STK39: variants seen among roughly 807,000 people sequenced by gnomAD.
STK39 encodes serine/threonine kinase 39.
Under a neutral mutation model 77.8 loss-of-function variants are expected in STK39, and 20 were observed. That is an observed-to-expected ratio of 0.26 (90% confidence interval 0.18 to 0.37). The LOEUF (loss-of-function observed/expected upper bound fraction) is 0.37. Among genes scored for constraint, STK39 ranks in the 10% least tolerant of loss-of-function variants. The pLI, the probability that STK39 is intolerant of heterozygous loss-of-function variation, is 1.00. For synonymous variants in STK39, 246 were observed against 234.1 expected (o/e 1.05, Z -0.47); for missense variants, 479 against 656.5 (o/e 0.73, Z 2.95).
At position 168,112,948 on chromosome 2, in the gene STK39, G is replaced by T. The variant is rs564990755; in HGVS notation, c.1089+16593C>A. On this transcript the variant is annotated intron_variant, in intron 10 of 17. Transcript: ENST00000355999. ...ACCAGTGTGCTCTGGCCACTGGGTG[G>T]GAAGCTCTGGTTGAAAGGACAAATA... 5.3e-5 allele frequency: 8 copies of T among 152,206 alleles called. No individual in the cohort carries two copies. In the South Asian group the frequency reaches 1.7e-3, roughly 32 times the overall value. 9.4% of individuals were successfully genotyped at this position (152,206 alleles called of 1,614,324 possible).
At chr2:168,222,512 A>G (rs1471621209) in intron 1 of STK39, among the ~76,000 whole-genome samples, 5 of 152,194 alleles carry the variant, frequency 3.3e-5, no homozygotes, top group Non-Finnish European at 4.4e-5. Context: ...GAAGACACAT[A>G]AAAAGTGGTT....
chr2:168,124,175 T>C (rs890009227), intron 10 of STK39, among the ~76,000 whole-genome samples: 5 of 152,212 alleles, frequency 3.3e-5, no homozygotes, highest in African/African-American at 1.2e-4. Flanking sequence ...GTTTAGTTAA[T>C]TGCTTACTTA....
chr2:168,167,622 G>C (rs910527575), intron 2 of STK39, among the ~76,000 whole-genome samples: 3 of 152,128 alleles, frequency 2.0e-5, no homozygotes, highest in Non-Finnish European at 2.9e-5. Flanking sequence ...AGACCACAGA[G>C]CCCTGTGGAC....
At chr2:167,959,541 T>C (rs1574345140) in intron 17 of STK39, among the ~76,000 whole-genome samples, 5 of 151,900 alleles carry the variant, frequency 3.3e-5, no homozygotes, top group Admixed American at 2.0e-4. Flanking sequence ...CAAGTAAAAA[T>C]GATGTTTCAT....
chr2:168,063,359 T>A, intron 14 of STK39, 141 bp downstream of exon 14: 1 of 686,888 alleles, frequency 1.5e-6, no homozygotes, highest in Non-Finnish European at 2.4e-6. Flanking sequence ...GCCCTGGGAA[T>A]ACAGCATACA....
In STK39 at chr2:168,074,834, A is replaced by G. The variant is rs531597823; in HGVS notation, c.1242+148T>C. ...ATTTATTCAGCCCAAAGTAACTCAG[A>G]CAGAATTAGGAGCTGCAAAGTCCTC... On this transcript the variant is annotated intron_variant, in intron 12 of 17. Coordinates refer to ENST00000355999, the MANE Select transcript of STK39 (RefSeq NM_013233.3). The G allele has an allele frequency of 9.1e-6, 8 of 876,604 alleles. No individual in the cohort carries two copies. In the East Asian group the frequency reaches 1.9e-4, roughly 20 times the overall value. 54.3% of individuals were successfully genotyped at this position (876,604 alleles called of 1,614,324 possible).
intron 2 of STK39, among the ~76,000 whole-genome samples, chr2:168,175,740 T>A (rs1335280215): frequency 6.6e-6 from 1 of 152,214 alleles, no homozygotes; most frequent in African/African-American, 2.4e-5. Flanking sequence ...TCATTTGGAC[T>A]ATACCTGGAT....
chr2:168,113,158 C>A (rs1055021971), intron 10 of STK39: 16 of 152,240 alleles, frequency 1.1e-4, no homozygotes, highest in Non-Finnish European at 2.3e-4. Flanking sequence ...ATGTCAAAGG[C>A]TAATTCATCC....
intron 2 of STK39, among the ~76,000 whole-genome samples, chr2:168,169,314 G>A (rs1329128981): frequency 6.6e-6 from 1 of 152,138 alleles, no homozygotes; most frequent in East Asian, 1.9e-4. Flanking sequence ...GTGCGGGGAT[G>A]GCCCACACTG....
chr2:168,196,086 TG>T (rs1364487238), intron 1 of STK39, among the ~76,000 whole-genome samples: 3 of 152,362 alleles, frequency 2.0e-5, no homozygotes, highest in Admixed American at 2.0e-4. Context: ...CAAACACATA[TG>T]ATCTACTGAT....
chr2:168,245,458 T>C (rs757733097), intron 1 of STK39, among the ~76,000 whole-genome samples: 1 of 152,236 alleles, frequency 6.6e-6, no homozygotes, highest in South Asian at 2.1e-4. Flanking sequence ...ACTATGAGGT[T>C]ACATGCTATG....
At chr2:168,092,519 A>G (rs189838644) in intron 10 of STK39, among the ~76,000 whole-genome samples, 4 of 152,380 alleles carry the variant, frequency 2.6e-5, no homozygotes, top group Admixed American at 2.6e-4. Flanking sequence ...TTTAAAAACA[A>G]ACAAGAAATA....
intron 1 of STK39, among the ~76,000 whole-genome samples, chr2:168,187,042 T>C (rs1468592147): frequency 6.6e-6 from 1 of 152,198 alleles, no homozygotes; most frequent in Non-Finnish European, 1.5e-5. Context: ...TAATGCACTT[T>C]GATATCTAAC....
In STK39 at chr2:168,065,391, G is replaced by T. The variant is rs918465728; in HGVS notation, c.1243-10C>A. 2.5e-6 allele frequency: 4 copies of T among 1,613,966 alleles called. No homozygotes were observed. Among genetic ancestry groups the T allele is most frequent in the Non-Finnish European group, 3.4e-6 (4 of 1,179,872 alleles). On this transcript the variant is annotated splice_polypyrimidine_tract_variant and intron_variant, in intron 12 of 17. Transcript: ENST00000355999. ...TGGCACTCACTGCAATCTGTTACGA[G>T]AGCCACCGTTACAGCATTCAAGAAA...
chr2:168,180,105 G>C (rs2105625619), intron 2 of STK39, among the ~76,000 whole-genome samples: 1 of 152,320 alleles, frequency 6.6e-6, no homozygotes, highest in African/African-American at 2.4e-5. Context: ...CCAGCACTGT[G>C]GGAGGCCGAG....
chr2:168,127,151 T>C (rs192412774), intron 10 of STK39, among the ~76,000 whole-genome samples: 142 of 152,126 alleles, frequency 9.3e-4, no homozygotes, highest in African/African-American at 3.1e-3. Context: ...TTGTTGTTGT[T>C]TGTTGTTGTT....
chr2:168,192,258 G>A (rs902932550), intron 1 of STK39, among the ~76,000 whole-genome samples: 1 of 152,088 alleles, frequency 6.6e-6, no homozygotes, highest in Non-Finnish European at 1.5e-5. Flanking sequence ...AAGGAGGTCT[G>A]CTGACTACCA....
At chr2:168,099,538 T>A (rs1218731807) in intron 10 of STK39, among the ~76,000 whole-genome samples, 1 of 152,212 alleles carries the variant, frequency 6.6e-6, no homozygotes, top group East Asian at 1.9e-4. Flanking sequence ...AATTTTACCA[T>A]AGTATTTGTC....
At chr2:168,027,014 C>G (rs1272600828) in intron 14 of STK39, among the ~76,000 whole-genome samples, 1 of 152,134 alleles carries the variant, frequency 6.6e-6, no homozygotes, top group Non-Finnish European at 1.5e-5. Context: ...TTGCACATTC[C>G]TATATGTTGA....
Sources: allele counts gnomAD v4.1 joint callset (sites outside exome capture counted in the v4.1 genomes callset), GRCh38; gene constraint gnomAD v4.1.1; transcripts MANE v1.5; gene names NCBI Gene and HGNC (gene_info 2026-07-23, HGNC 2026-07-21).